NFYC: variants seen among roughly 807,000 people sequenced by gnomAD.
NFYC encodes CAAT box DNA-binding protein subunit C.
NFYC carries 25 observed loss-of-function variants against 53.1 expected under a neutral mutation model. The observed-to-expected ratio is 0.47, with a 90% confidence interval of 0.34 to 0.66. The LOEUF (loss-of-function observed/expected upper bound fraction) is 0.66, where lower values mean the gene tolerates loss of function less well. NFYC is among the 30% of genes least tolerant of loss of function. The probability of loss-of-function intolerance (pLI) is 0.01; values close to 1 mark genes in which losing one functional copy is unlikely to be tolerated. For missense variants in NFYC, 260 were observed against 422.7 expected (o/e 0.62, Z 3.38); for synonymous variants, 145 against 152.6 (o/e 0.95, Z 0.37).
chr1:40,692,189 C>T, intron 1 of NFYC: 1 of 182,536 alleles, frequency 5.5e-6, no homozygotes, highest in South Asian at 6.7e-5. Context: ...CGCGCCAGCT[C>T]CGGTCTAGGG....
chr1:40,716,822 C>G (rs1264042873), intron 1 of NFYC, among the ~76,000 whole-genome samples: 2 of 152,052 alleles, frequency 1.3e-5, no homozygotes, highest in Non-Finnish European at 2.9e-5. Context: ...AGGAGATGGA[C>G]ACTGTTGGAC....
intron 2 of NFYC, among the ~76,000 whole-genome samples, chr1:40,741,745 G>A (rs1645358158): frequency 6.6e-6 from 1 of 151,748 alleles, no homozygotes; most frequent in South Asian, 2.1e-4. Context: ...TGAGACTACA[G>A]GTGCACGCCA....
intron 5 of NFYC, among the ~76,000 whole-genome samples, chr1:40,756,810 A>G (rs1216458511): frequency 3.9e-5 from 6 of 152,234 alleles, no homozygotes; most frequent in African/African-American, 1.4e-4. Flanking sequence ...GCACTTACTG[A>G]GTGCCTACCT....
chr1:40,740,910 T>C (rs935586756), intron 2 of NFYC, among the ~76,000 whole-genome samples: 1 of 151,976 alleles, frequency 6.6e-6, no homozygotes, highest in Admixed American at 6.6e-5. Flanking sequence ...CTTTTCTGTT[T>C]TGTTGGACTT....
chr1:40,767,222 T>TG (rs1420137950), intron 8 of NFYC: 1 of 486,078 alleles, frequency 2.1e-6, no homozygotes, highest in Non-Finnish European at 3.8e-6. Context: ...TCCCTGGGCT[T>TG]GGGGGTGTTG....
intron 2 of NFYC, among the ~76,000 whole-genome samples, chr1:40,742,180 GGA>G (rs1467367088): frequency 6.6e-6 from 1 of 150,906 alleles, no homozygotes; most frequent in African/African-American, 2.4e-5. Context: ...CAAAGCACTG[GGA>G]TTACAGACAT....
chr1:40,714,509 G>A (rs186481997), intron 1 of NFYC, among the ~76,000 whole-genome samples: 10 of 152,292 alleles, frequency 6.6e-5, no homozygotes, highest in South Asian at 2.1e-4. Context: ...GGGCTTGAAC[G>A]ATGTAAGTTA....
intron 1 of NFYC, among the ~76,000 whole-genome samples, chr1:40,728,143 A>G (rs1008105611): frequency 6.6e-6 from 1 of 151,108 alleles, no homozygotes; most frequent in Admixed American, 6.6e-5. Flanking sequence ...CGAACTCCTG[A>G]CCTCAGGTGA....
intron 1 of NFYC, chr1:40,735,517 T>A: frequency 1.1e-6 from 1 of 894,662 alleles, no homozygotes; most frequent in Non-Finnish European, 1.3e-6. Flanking sequence ...CTAGACGTGC[T>A]TTTTGAATTG....
intron 1 of NFYC, among the ~76,000 whole-genome samples, chr1:40,715,388 A>T (rs1225237660): frequency 2.0e-5 from 3 of 151,966 alleles, no homozygotes; most frequent in Admixed American, 6.6e-5. Flanking sequence ...GTCTCAAGAA[A>T]AAAAAACAAA....
chr1:40,708,266 T>G (rs939228094), intron 1 of NFYC, among the ~76,000 whole-genome samples: 2 of 152,228 alleles, frequency 1.3e-5, no homozygotes, highest in African/African-American at 4.8e-5. Flanking sequence ...GTGCCCTGAT[T>G]GTGCCTGCAT....
chr1:40,729,612 T>A (rs991288117), intron 1 of NFYC, among the ~76,000 whole-genome samples: 1 of 152,200 alleles, frequency 6.6e-6, no homozygotes, highest in African/African-American at 2.4e-5. Context: ...TCAAGAACTT[T>A]TTCTTTGCAG....
At chr1:40,758,805 A>C (rs1646374336) in intron 6 of NFYC, among the ~76,000 whole-genome samples, 1 of 152,174 alleles carries the variant, frequency 6.6e-6, no homozygotes, top group South Asian at 2.1e-4. Context: ...AGTAGTGTTA[A>C]GAGCAGTAGC....
At chr1:40,768,418 C>T (rs1646924967) in intron 8 of NFYC, among the ~76,000 whole-genome samples, 3 of 152,200 alleles carry the variant, frequency 2.0e-5, no homozygotes, top group Admixed American at 1.3e-4. Context: ...GCCTGTCATA[C>T]CTGTTCCCTT....
intron 1 of NFYC, among the ~76,000 whole-genome samples, chr1:40,707,776 C>CTGCA (rs1643776676): frequency 6.6e-6 from 1 of 150,810 alleles, no homozygotes; most frequent in African/African-American, 2.4e-5. Context: ...GAGGCGGAGG[C>CTGCA]TGCAGTAAGC....
At chr1:40,765,711 C>T (rs979114476) in intron 7 of NFYC, among the ~76,000 whole-genome samples, 10 of 152,190 alleles carry the variant, frequency 6.6e-5, no homozygotes, top group Non-Finnish European at 1.0e-4. Context: ...CTGCAGTCCT[C>T]CTCTGCTGAC....
At chr1:40,766,883 T>A in intron 8 of NFYC, 180 bp downstream of exon 8, 1 of 1,550,722 alleles carries the variant, frequency 6.4e-7, no homozygotes, top group South Asian at 1.2e-5. Flanking sequence ...GAACATTAGA[T>A]TCAAAGTGTT....
intron 1 of NFYC, among the ~76,000 whole-genome samples, chr1:40,728,381 G>T (rs1427708256): frequency 1.3e-5 from 2 of 152,004 alleles, no homozygotes; most frequent in African/African-American, 4.8e-5. Context: ...CGGATTACTT[G>T]AAATCAAGAG....
At chr1:40,691,921 G>A (rs1431695361) in intron 1 of NFYC, 54 bp downstream of exon 1, 3 of 342,796 alleles carry the variant, frequency 8.8e-6, no homozygotes, top group East Asian at 1.1e-4. Flanking sequence ...GCGGCGGCGG[G>A]GGGAGGGGCA....
Sources: allele counts gnomAD v4.1 joint callset (sites outside exome capture counted in the v4.1 genomes callset), GRCh38; gene constraint gnomAD v4.1.1; transcripts MANE v1.5; gene names NCBI Gene and HGNC (gene_info 2026-07-23, HGNC 2026-07-21).